ADAMTS2: variants seen among roughly 807,000 people sequenced by gnomAD.
ADAMTS2 encodes the protein A disintegrin and metalloproteinase with thrombospondin motifs 2.
ADAMTS2 carries 50 observed loss-of-function variants against 123.0 expected under a neutral mutation model. That is an observed-to-expected ratio of 0.41 (90% CI 0.32 to 0.51). The LOEUF (loss-of-function observed/expected upper bound fraction) is 0.51, where lower values mean the gene tolerates loss of function less well. Among genes scored for constraint, ADAMTS2 ranks in the 20% least tolerant of loss-of-function variants. The pLI, the probability that ADAMTS2 is intolerant of heterozygous loss-of-function variation, is 0.35. For missense variants in ADAMTS2, 1,494 were observed against 1,705.2 expected (o/e 0.88, Z 2.18); for synonymous variants, 678 against 695.4 (o/e 0.98, Z 0.39).
intron 4 of ADAMTS2, among the ~76,000 whole-genome samples, chr5:179,183,064 T>C (rs1329367693): frequency 2.0e-5 from 3 of 152,176 alleles, no homozygotes; most frequent in African/African-American, 7.2e-5. Context: ...GTGCAAACAA[T>C]GAAACGGTTT....
At chr5:179,304,253 G>C (rs1756610755) in intron 2 of ADAMTS2, among the ~76,000 whole-genome samples, 1 of 152,118 alleles carries the variant, frequency 6.6e-6, no homozygotes, top group South Asian at 2.1e-4. Context: ...ATTTAAACAA[G>C]ATCCAAAGTC....
At chr5:179,258,388 C>T (rs1437681416) in intron 3 of ADAMTS2, among the ~76,000 whole-genome samples, 1 of 152,166 alleles carries the variant, frequency 6.6e-6, no homozygotes, top group African/African-American at 2.4e-5. Flanking sequence ...TCCTTTTTGC[C>T]CTGCTGGACG....
At chr5:179,141,873 C>T (rs4701055) in intron 10 of ADAMTS2, among the ~76,000 whole-genome samples, 23,664 of 152,134 alleles carry the variant, frequency 0.16, 1,997 homozygotes, top group African/African-American at 0.23. Flanking sequence ...GCTCCAGGTA[C>T]ACCAGGCCAA....
At chr5:179,338,405 G>A (rs903248138) in intron 2 of ADAMTS2, among the ~76,000 whole-genome samples, 17 of 152,174 alleles carry the variant, frequency 1.1e-4, no homozygotes, top group South Asian at 8.3e-4. Flanking sequence ...CTGCTCCCCG[G>A]ACCCCCTCCT....
intron 4 of ADAMTS2, among the ~76,000 whole-genome samples, chr5:179,182,521 G>A (rs1764072042): frequency 6.6e-6 from 1 of 152,160 alleles, no homozygotes; most frequent in African/African-American, 2.4e-5. Flanking sequence ...ACATCATGAT[G>A]GATGGGTGGA....
In ADAMTS2 at chr5:179,121,687, T is replaced by G; in HGVS notation, c.3152A>C (p.Asp1051Ala). 1 of 1,596,462 alleles carries G rather than the reference T, an allele frequency of 6.3e-7. No individual in the cohort carries two copies. Among genetic ancestry groups the G allele is most frequent in the Non-Finnish European group, 8.5e-7 (1 of 1,171,514 alleles). The change falls in exon 21 of 22, where the codon GAC (aspartate) becomes GCC (alanine). Residue 1051 changes from aspartate to alanine, a missense_variant. Around this residue, in one of 6 missense-constraint regions of ADAMTS2, gnomAD observed 953 missense variants for 1,124.7 expected, o/e 0.85. Transcript: ENST00000251582. ...VVQWLSRPDP[D>A]SPIRKISSKG... ...TGACGAGATCTTCCGGATGGGCGAG[T>G]CGGGGTCCGGGCGGGACAGCCACTG...
chr5:179,241,919 G>C (rs1189929108), intron 3 of ADAMTS2, among the ~76,000 whole-genome samples: 1 of 152,118 alleles, frequency 6.6e-6, no homozygotes, highest in East Asian at 1.9e-4. Context: ...GAAGGGCCTT[G>C]CCCCACCCAA....
At position 179,189,731 on chromosome 5, in the gene ADAMTS2, T is replaced by C. The variant is rs1561796140; in HGVS notation, c.892-8576A>G. On this transcript the variant is annotated intron_variant, in intron 4 of 21. Coordinates refer to ENST00000251582, the MANE Select transcript of ADAMTS2 (RefSeq NM_014244.5). The surrounding 1 kb of genome is among the most constrained non-coding windows in gnomAD (Gnocchi z 4.2). ...AAGGGCGGAAGAATATTACAAAATA[T>C]CTTCTTAAGGTAGGGGGGGACAATA... Among the ~76,000 whole-genome samples the C allele has an allele frequency of 6.7e-6, 1 of 150,096 alleles. No individual in the cohort carries two copies. Among genetic ancestry groups the C allele is most frequent in the Non-Finnish European group, 1.5e-5 (1 of 67,730 alleles).
intron 4 of ADAMTS2, among the ~76,000 whole-genome samples, chr5:179,187,112 G>T (rs982241761): frequency 1.3e-5 from 2 of 152,002 alleles, no homozygotes; most frequent in African/African-American, 2.4e-5. Context: ...CCTGTGCTTT[G>T]GTTCAGGCCT....
chr5:179,138,696 G>A (rs1478993370), intron 11 of ADAMTS2, among the ~76,000 whole-genome samples: 1 of 152,224 alleles, frequency 6.6e-6, no homozygotes, highest in African/African-American at 2.4e-5. Context: ...GACAGCAGGG[G>A]TAGGAGAGGG....
intron 2 of ADAMTS2, among the ~76,000 whole-genome samples, chr5:179,328,624 G>A (rs1274915979): frequency 6.6e-6 from 1 of 152,208 alleles, no homozygotes; most frequent in Non-Finnish European, 1.5e-5. Context: ...GAATAAAGAT[G>A]TCTAAATTCT....
intron 2 of ADAMTS2, among the ~76,000 whole-genome samples, chr5:179,278,915 G>T (rs1349747244): frequency 1.3e-5 from 2 of 151,266 alleles, no homozygotes; most frequent in Admixed American, 1.3e-4. Context: ...ATGGCAACTA[G>T]ATGTTAAAAA....
intron 3 of ADAMTS2, among the ~76,000 whole-genome samples, chr5:179,217,242 C>T (rs1480681611): frequency 6.6e-6 from 1 of 152,120 alleles, no homozygotes; most frequent in Non-Finnish European, 1.5e-5. Flanking sequence ...AAACAGAGTG[C>T]CAAGTGCAAA....
At chr5:179,120,808 A>C (rs1188212016) in intron 21 of ADAMTS2, 1 of 152,126 alleles carries the variant, frequency 6.6e-6, no homozygotes, top group Non-Finnish European at 1.5e-5. Context: ...ACCTTGGCAA[A>C]AGGTGGATGA....
chr5:179,124,849 G>A, intron 19 of ADAMTS2, 124 bp downstream of exon 19: 1 of 1,598,490 alleles, frequency 6.3e-7, no homozygotes. Flanking sequence ...TCATTGCAGT[G>A]CTTGGCATGC....
chr5:179,333,303 C>G (rs1283732030), intron 2 of ADAMTS2, among the ~76,000 whole-genome samples: 1 of 152,212 alleles, frequency 6.6e-6, no homozygotes, highest in Non-Finnish European at 1.5e-5. Context: ...TGGAGGGTCA[C>G]AGGCCAGCAA....
chr5:179,245,591 C>T (rs1207316359), intron 3 of ADAMTS2, among the ~76,000 whole-genome samples: 1 of 149,664 alleles, frequency 6.7e-6, no homozygotes, highest in African/African-American at 2.5e-5. Context: ...ACGGTGAAAC[C>T]CCGTCTCTAC....
chr5:179,275,133 T>TG (rs1766659845), intron 2 of ADAMTS2, among the ~76,000 whole-genome samples: 1 of 151,888 alleles, frequency 6.6e-6, no homozygotes, highest in Non-Finnish European at 1.5e-5. Flanking sequence ...CCAGGGCTTC[T>TG]GGGGGGAGCC....
intron 4 of ADAMTS2, among the ~76,000 whole-genome samples, chr5:179,195,670 C>T (rs908751771): frequency 5.3e-5 from 8 of 152,228 alleles, no homozygotes; most frequent in African/African-American, 1.9e-4. Flanking sequence ...GCCCCTCGGG[C>T]CTGGCTACTG....
Sources: allele counts gnomAD v4.1 joint callset (sites outside exome capture counted in the v4.1 genomes callset), GRCh38; gene constraint gnomAD v4.1.1; regional missense constraint gnomAD v4.1.1; non-coding constraint Gnocchi (gnomAD v3.1); transcripts MANE v1.5; gene names NCBI Gene and HGNC (gene_info 2026-07-23, HGNC 2026-07-21).